MPP7: variants seen among roughly 807,000 people sequenced by gnomAD.
MPP7 encodes the protein MAGUK p55 scaffold protein 7, also known as MAGUK p55 subfamily member 7.
Under a neutral mutation model 76.5 loss-of-function variants are expected in MPP7, and 60 were observed. The ratio of observed to expected loss-of-function variants is 0.78; its 90% CI spans 0.64 to 0.97. The LOEUF is 0.97. Ranked by LOEUF, MPP7 falls within the 50% of genes least tolerant of loss-of-function variation. The pLI, the probability that MPP7 is intolerant of heterozygous loss-of-function variation, is 0.00. For missense variants in MPP7, 641 were observed against 694.0 expected (o/e 0.92, Z 0.86); for synonymous variants, 237 against 244.5 (o/e 0.97, Z 0.29).
At chr10:28,119,763 G>A (rs762116169) in intron 10 of MPP7, 48 bp from the exon 11 acceptor site, 23 of 1,437,262 alleles carry the variant, frequency 1.6e-5, no homozygotes, top group Admixed American at 1.4e-4. Flanking sequence ...GCACAGGTCC[G>A]AGGTGAATAC....
chr10:28,317,973 C>G (rs11007018), intron 2 of MPP7, among the ~76,000 whole-genome samples: 13 of 152,268 alleles, frequency 8.5e-5, no homozygotes, highest in East Asian at 1.9e-4. Context: ...GCCATGACTG[C>G]AGTACCCTGT....
intron 2 of MPP7, among the ~76,000 whole-genome samples, chr10:28,217,916 C>T (rs1173773112): frequency 1.3e-5 from 2 of 152,180 alleles, no homozygotes; most frequent in African/African-American, 4.8e-5. Flanking sequence ...AATAAAACCT[C>T]CAACTTACCC....
At chr10:28,269,141 G>A (rs1392714941) in intron 1 of MPP7, among the ~76,000 whole-genome samples, 3 of 152,006 alleles carry the variant, frequency 2.0e-5, no homozygotes, top group East Asian at 1.9e-4. Flanking sequence ...AATACTTTAC[G>A]TCTCTAAAAC....
chr10:28,329,514 A>T (rs1003971222), intron 2 of MPP7, among the ~76,000 whole-genome samples: 103 of 151,930 alleles, frequency 6.8e-4, no homozygotes, highest in African/African-American at 2.4e-3. Context: ...CTGTAGTCCC[A>T]GCTACTCGGG....
chr10:28,238,419 G>T, intron 2 of MPP7, 149 bp downstream of exon 2: 1 of 747,080 alleles, frequency 1.3e-6, no homozygotes, highest in Non-Finnish European at 2.2e-6. Flanking sequence ...TACCTAGGAG[G>T]GCATCCCTGA....
intron 3 of MPP7, among the ~76,000 whole-genome samples, chr10:28,184,353 T>C (rs1837157726): frequency 1.3e-5 from 2 of 148,290 alleles, no homozygotes; most frequent in Admixed American, 6.8e-5. Context: ...ATCTTTATCT[T>C]AATATATTAT....
At chr10:28,154,895 A>G (rs1386284787) in intron 3 of MPP7, among the ~76,000 whole-genome samples, 1 of 152,142 alleles carries the variant, frequency 6.6e-6, no homozygotes, top group East Asian at 1.9e-4. Flanking sequence ...TCTGTATTTC[A>G]GTAATTGTTT....
chr10:28,249,254 A>G (rs1474042102), intron 1 of MPP7, among the ~76,000 whole-genome samples: 1 of 152,154 alleles, frequency 6.6e-6, no homozygotes, highest in African/African-American at 2.4e-5. Flanking sequence ...TTACTAGACC[A>G]AAAGTATAGT....
intron 12 of MPP7, among the ~76,000 whole-genome samples, chr10:28,076,505 G>A (rs75541124): frequency 0.012 from 1,833 of 151,868 alleles, 53 homozygotes; most frequent in East Asian, 0.11. Context: ...TACAAATAAC[G>A]CAAACCCAAT....
chr10:28,300,443 T>C (rs1249296732), intron 1 of MPP7, among the ~76,000 whole-genome samples: 1 of 152,194 alleles, frequency 6.6e-6, no homozygotes, highest in Non-Finnish European at 1.5e-5. Flanking sequence ...ATGATAAAAG[T>C]TCCTTTATGG....
intron 5 of MPP7, among the ~76,000 whole-genome samples, chr10:28,136,843 T>C (rs1198555128): frequency 6.6e-6 from 1 of 152,128 alleles, no homozygotes; most frequent in Non-Finnish European, 1.5e-5. Flanking sequence ...TAGGACTGAA[T>C]AGGACTTAGT....
intron 2 of MPP7, among the ~76,000 whole-genome samples, chr10:28,232,257 G>A (rs1394919076): frequency 6.6e-6 from 1 of 152,090 alleles, no homozygotes; most frequent in Non-Finnish European, 1.5e-5. Context: ...AGCTACTTGA[G>A]ACACTGAGGC....
rs188259972 is a variant in MPP7, at chr10:28,053,584, C to T, written c.*481G>A. The T allele has an allele frequency of 1.5e-3, 238 of 154,316 alleles. 2 individuals carry two copies. Among genetic ancestry groups the T allele is most frequent in the African/African-American group, 5.5e-3 (229 of 41,574 alleles). The allele number at this position is 154,316 out of a possible 1,614,324, so 9.6% of individuals were successfully genotyped here. The stretch of plus-strand genomic sequence containing the variant: ...ACACTTTTTGAATAGTAAGAGGACA[C>T]CTTACTGCCTGCCCGGCTAAATCTG... On this transcript the variant is annotated 3_prime_UTR_variant, in exon 17 of 17. Coordinates refer to ENST00000683449, the MANE Select transcript of MPP7 (RefSeq NM_001318170.2).
At chr10:28,069,107 A>T (rs1222312317) in intron 13 of MPP7, among the ~76,000 whole-genome samples, 2 of 152,246 alleles carry the variant, frequency 1.3e-5, no homozygotes, top group African/African-American at 2.4e-5. Context: ...AATCATTATT[A>T]ACGAGTACAA....
intron 3 of MPP7, among the ~76,000 whole-genome samples, chr10:28,167,272 C>T (rs1243638095): frequency 6.6e-6 from 1 of 151,968 alleles, no homozygotes; most frequent in African/African-American, 2.4e-5. Flanking sequence ...GACGGCACCA[C>T]TGCACTCCAG....
intron 1 of MPP7, among the ~76,000 whole-genome samples, chr10:28,273,243 C>T (rs1319573760): frequency 6.6e-6 from 1 of 152,134 alleles, no homozygotes; most frequent in East Asian, 1.9e-4. Flanking sequence ...AAACCATAAA[C>T]AGTATTAGCC....
rs562576600 is a variant in MPP7 at position 28,167,235 on chromosome 10, C to G, written c.157-17176G>C. ...CTGAGGCACAAGAATCACTTGAACC[C>G]AGGAGGTGGAGGTTGCAGTGAGCCG... On this transcript the variant is annotated intron_variant, in intron 3 of 16. Transcript: ENST00000683449. 1.6e-4 allele frequency among the ~76,000 whole-genome samples: 24 copies of G among 151,904 alleles called. No homozygotes were observed. The South Asian group carries it at 4.6e-3, about 29-fold the overall frequency.
At position 28,059,653 on chromosome 10, in the gene MPP7, T is replaced by C; in HGVS notation, c.1295A>G (p.Asn432Ser). The change falls in exon 14 of 17, where the codon AAC (asparagine) becomes AGC (serine). Residue 432 changes from asparagine to serine, a missense_variant. Transcript: ENST00000683449. ...ATTCTCAAAAATGTCCACATACTTG[T>C]TATTTTGTACATCTGTCTCAAACAA... ...KHLFETDVQN[N>S]KFIEYGEYKN... The C allele has an allele frequency of 1.2e-6, 2 of 1,609,802 alleles. No individual in the cohort carries two copies. Among genetic ancestry groups the C allele is most frequent in the Non-Finnish European group, 1.7e-6 (2 of 1,176,476 alleles).
At chr10:28,119,585 C>A in intron 11 of MPP7, 66 bp downstream of exon 11, 1 of 1,358,838 alleles carries the variant, frequency 7.4e-7, no homozygotes, top group Non-Finnish European at 1.1e-6. Flanking sequence ...GCCATGAGCA[C>A]CTGCTTTAAT....
Sources: gnomAD v4.1 joint callset for allele counts (sites outside exome capture counted in the v4.1 genomes callset) on GRCh38, gnomAD v4.1.1 for gene constraint, MANE v1.5 for transcripts, NCBI Gene and HGNC (gene_info 2026-07-23, HGNC 2026-07-21) for gene names.